The following BCR variants were observed in gnomAD, a reference collection of about 807,000 sequenced individuals.
BCR encodes BCR activator of RhoGEF and GTPase.
Under a neutral mutation model 138.6 loss-of-function variants are expected in BCR, and 58 were observed. That is an observed-to-expected ratio of 0.42 (90% CI 0.34 to 0.52). BCR has a LOEUF of 0.52. Among genes scored for constraint, BCR ranks in the 20% least tolerant of loss-of-function variants. The pLI is 0.06. For missense variants in BCR, 1,599 were observed against 1,727.2 expected (o/e 0.93, Z 1.32); for synonymous variants, 786 against 730.1 (o/e 1.08, Z -1.23).
intron 1 of BCR, among the ~76,000 whole-genome samples, chr22:23,224,524 G>A (rs1408402511): frequency 3.3e-5 from 5 of 152,190 alleles, no homozygotes; most frequent in Non-Finnish European, 7.3e-5. Context: ...ACCCACTCTC[G>A]TTTTAATACG....
chr22:23,241,456 C>A (rs530578299), intron 1 of BCR, among the ~76,000 whole-genome samples: 1 of 152,118 alleles, frequency 6.6e-6, no homozygotes, highest in Non-Finnish European at 1.5e-5. Context: ...TGGAGGGACT[C>A]CCTCCAGTCA....
rs760136755 is a variant in BCR at position 23,259,605 on chromosome 22, C to G, written c.1462-1345C>G. Among the ~76,000 whole-genome samples, 148 of 152,074 alleles carry G rather than the reference C, an allele frequency of 9.7e-4. 3 individuals are homozygous for G. The highest frequency in any genetic ancestry group is 3.2e-4 in the Non-Finnish European group (22 of 68,010). On this transcript the variant is annotated intron_variant, in intron 2 of 22. Coordinates refer to ENST00000305877, the MANE Select transcript of BCR (RefSeq NM_004327.4). ...GGTCTCGGCTCACTGCAACCTCCCC[C>G]TCCTGTGTTCAGGCAATTCTCCTGC...
At chr22:23,306,954 C>G (rs1402905573) in intron 16 of BCR, 1 of 152,424 alleles carries the variant, frequency 6.6e-6, no homozygotes, top group Admixed American at 6.5e-5. Flanking sequence ...CTCTTTCTGT[C>G]TCTTCTTACC....
At position 23,205,828 on chromosome 22, in the gene BCR, G is replaced by A. The variant is rs1568932635; in HGVS notation, c.1279+23589G>A. On this transcript the variant is annotated intron_variant, in intron 1 of 22. Coordinates refer to ENST00000305877, the MANE Select transcript of BCR (RefSeq NM_004327.4). ...CTATAAAGAGCATTCTTAAGGCCTA[G>A]GTCACATGAAAACAGGTGGCAGTGG... Among the ~76,000 whole-genome samples the A allele has an allele frequency of 2.6e-5, 4 of 152,146 alleles. No homozygotes were observed. The South Asian group carries it at 8.3e-4, about 32-fold the overall frequency.
At chr22:23,252,246 G>T (rs1280720924) in intron 1 of BCR, among the ~76,000 whole-genome samples, 3 of 151,890 alleles carry the variant, frequency 2.0e-5, no homozygotes, top group Non-Finnish European at 4.4e-5. Flanking sequence ...CCCTGGGCTG[G>T]CATCGGAATA....
intron 1 of BCR, among the ~76,000 whole-genome samples, chr22:23,201,820 G>A (rs910537367): frequency 5.9e-5 from 9 of 152,254 alleles, no homozygotes; most frequent in South Asian, 4.1e-4. Context: ...CAGACCCTTC[G>A]GTTTCTGGGA....
intron 1 of BCR, among the ~76,000 whole-genome samples, chr22:23,204,239 C>A (rs762178904): frequency 4.6e-5 from 7 of 152,158 alleles, no homozygotes; most frequent in Non-Finnish European, 7.4e-5. Context: ...CTGGGACCCA[C>A]GCTTGCTCCT....
chr22:23,263,566 G>C (rs1265381831), intron 4 of BCR: 1 of 1,569,628 alleles, frequency 6.4e-7, no homozygotes, highest in Non-Finnish European at 8.8e-7. Context: ...GATGGTGCCA[G>C]CTTGAACCGT....
chr22:23,196,559 G>A (rs2072485475), intron 1 of BCR, among the ~76,000 whole-genome samples: 1 of 152,124 alleles, frequency 6.6e-6, no homozygotes, highest in African/African-American at 2.4e-5. Context: ...ATTCCCTTGG[G>A]CAGCAGTCCC....
Position 23,181,761 on chromosome 22 carries a change from C to T in BCR, c.801C>T (p.Ser267=). The T allele has an allele frequency of 1.2e-6, 2 of 1,605,696 alleles. No individual in the cohort carries two copies. The highest frequency in any genetic ancestry group is 1.7e-6 in the Non-Finnish European group (2 of 1,179,982). Residue 267 remains serine, a synonymous_variant, in exon 1 of 23, where the codon AGC becomes AGT. Coordinates refer to ENST00000305877, the MANE Select transcript of BCR (RefSeq NM_004327.4). ...ACCTGATCGACGCCAATGGCGGTAG[C>T]AGGCCCCCTTGGCCGCCCCTGGAGT... is the stretch of plus-strand genomic sequence containing the variant. ...KDNLIDANGG[S]RPPWPPLEYQ... is the part of the protein sequence containing the mutation.
intron 1 of BCR, among the ~76,000 whole-genome samples, chr22:23,195,566 C>T (rs2072469184): frequency 6.6e-6 from 1 of 151,772 alleles, no homozygotes; most frequent in South Asian, 2.1e-4. Context: ...GCACTCCAGC[C>T]TGGGTGACAG....
At chr22:23,280,628 G>A (rs2146296233) in intron 8 of BCR, among the ~76,000 whole-genome samples, 1 of 152,374 alleles carries the variant, frequency 6.6e-6, no homozygotes, top group South Asian at 2.1e-4. Context: ...AAGAAATGGA[G>A]GAGCATAGCC....
intron 1 of BCR, among the ~76,000 whole-genome samples, chr22:23,238,683 C>T (rs988629467): frequency 2.0e-5 from 3 of 152,122 alleles, no homozygotes; most frequent in African/African-American, 4.8e-5. Flanking sequence ...CTCAGGCTGG[C>T]GTCCTGAACA....
At chr22:23,213,995 A>G (rs934953369) in intron 1 of BCR, among the ~76,000 whole-genome samples, 1 of 152,202 alleles carries the variant, frequency 6.6e-6, no homozygotes, top group African/African-American at 2.4e-5. Context: ...CATCTGTGAA[A>G]TAGAAATCCC....
chr22:23,181,476 C>T lies in BCR; in HGVS notation c.516C>T (p.Ala172=). 1.9e-6 allele frequency: 3 copies of T among 1,609,958 alleles called. No homozygotes were observed. In the South Asian group the frequency reaches 3.3e-5, roughly 18 times the overall value. The change falls in exon 1 of 23, where the codon GCC becomes GCT. Residue 172 remains alanine (A), a synonymous_variant. Transcript: ENST00000305877. ...RKGHGQPGAD[A]EKPFYVNVEF... ...GCCATGGCCAGCCCGGGGCGGACGC[C>T]GAGAAGCCCTTCTACGTGAACGTCG...
At chr22:23,285,674 A>G (rs1478208057) in intron 10 of BCR, among the ~76,000 whole-genome samples, 1 of 152,160 alleles carries the variant, frequency 6.6e-6, no homozygotes, top group African/African-American at 2.4e-5. Context: ...ACCTAGGCAA[A>G]CACCTCCTAG....
At chr22:23,245,783 G>A (rs1314008911) in intron 1 of BCR, among the ~76,000 whole-genome samples, 2 of 151,612 alleles carry the variant, frequency 1.3e-5, no homozygotes, top group South Asian at 2.1e-4. Context: ...TCCCTGCTTA[G>A]GAGAGGAAAA....
chr22:23,237,071 C>T (rs975497273), intron 1 of BCR, among the ~76,000 whole-genome samples: 3 of 152,190 alleles, frequency 2.0e-5, no homozygotes, highest in African/African-American at 7.2e-5. Context: ...CTCCCAGGAT[C>T]GTGGAGTTCT....
At chr22:23,216,712 A>T (rs2072757341) in intron 1 of BCR, among the ~76,000 whole-genome samples, 1 of 152,176 alleles carries the variant, frequency 6.6e-6, no homozygotes, top group Non-Finnish European at 1.5e-5. Context: ...GACTGTATTC[A>T]GTTTGTGGTT....
Sources: gnomAD v4.1 joint callset for allele counts (sites outside exome capture counted in the v4.1 genomes callset) on GRCh38, gnomAD v4.1.1 for gene constraint, MANE v1.5 for transcripts, NCBI Gene and HGNC (gene_info 2026-07-23, HGNC 2026-07-21) for gene names.